Variants in THADA observed in about 807,000 individuals in gnomAD.
THADA encodes the protein tRNA (32-2'-O)-methyltransferase regulator THADA.
Under a neutral mutation model 219.8 loss-of-function variants are expected in THADA, and 213 were observed. That is an observed-to-expected ratio of 0.97 (90% CI 0.87 to 1.09). THADA has a LOEUF of 1.09. THADA is among the 50% of genes least tolerant of loss of function. The pLI is 0.00. For missense variants in THADA, 2,956 were observed against 2,311.3 expected (o/e 1.28, Z -5.72); for synonymous variants, 1,018 against 828.9 (o/e 1.23, Z -3.92).
chr2:43,485,780 A>G (rs1453504594), intron 25 of THADA, among the ~76,000 whole-genome samples: 1 of 152,076 alleles, frequency 6.6e-6, no homozygotes, highest in Non-Finnish European at 1.5e-5. Context: ...CTGTAATCCC[A>G]GCTACTTGGG....
At chr2:43,296,901 A>G (rs1270349388) in intron 31 of THADA, among the ~76,000 whole-genome samples, 3 of 150,368 alleles carry the variant, frequency 2.0e-5, no homozygotes, top group East Asian at 4.0e-4. Context: ...GAGGGCAAGG[A>G]GCAGCCGCCT....
chr2:43,291,454 C>CAAAAAAAAAA (rs765352765), intron 34 of THADA, among the ~76,000 whole-genome samples: 180 of 8,068 alleles, frequency 0.022, 25 homozygotes, highest in Non-Finnish European at 0.033. Flanking sequence ...AACTCCATCT[C>CAAAAAAAAAA]AAAAAAAAAA....
intron 15 of THADA, chr2:43,564,704 T>A (rs1288473914): frequency 6.6e-6 from 1 of 152,196 alleles, no homozygotes; most frequent in Non-Finnish European, 1.5e-5. Flanking sequence ...ATATTTCCTA[T>A]TATAAAAACT....
intron 21 of THADA, among the ~76,000 whole-genome samples, chr2:43,534,975 G>T (rs1431863278): frequency 1.3e-5 from 2 of 151,982 alleles, no homozygotes; most frequent in African/African-American, 4.8e-5. Flanking sequence ...GGGTGTAAGA[G>T]TTCCCTTTTC....
rs1676602466 is a variant in THADA at position 43,304,368 on chromosome 2, T to A, written c.4439-11155A>T. ...AAGGCAGAAGGATCCTCCTCAGGAC[T>A]GAAAAGACCAACCCAACAACAACAA... On this transcript the variant is annotated intron_variant, in intron 31 of 37. Coordinates refer to ENST00000405975, the MANE Select transcript of THADA (RefSeq NM_022065.5). Among the ~76,000 whole-genome samples, 3 of 152,156 alleles carry A rather than the reference T, an allele frequency of 2.0e-5. No homozygotes were observed. The South Asian group carries it at 6.2e-4, about 32-fold the overall frequency.
chr2:43,271,862 G>A (rs1467871539), intron 36 of THADA, among the ~76,000 whole-genome samples: 2 of 152,138 alleles, frequency 1.3e-5, no homozygotes, highest in African/African-American at 4.8e-5. Flanking sequence ...TGATCCACTT[G>A]CCTCGGCCTC....
intron 28 of THADA, among the ~76,000 whole-genome samples, chr2:43,425,090 C>G (rs1029025028): frequency 5.3e-5 from 8 of 152,142 alleles, no homozygotes; most frequent in Non-Finnish European, 1.0e-4. Flanking sequence ...AACCAAAAAA[C>G]AAGGTTATTT....
At chr2:43,310,823 G>A (rs534874006) in intron 31 of THADA, among the ~76,000 whole-genome samples, 2 of 152,330 alleles carry the variant, frequency 1.3e-5, no homozygotes, top group African/African-American at 4.8e-5. Context: ...CAAACTGTGT[G>A]TCTTATAAGG....
At chr2:43,418,587 G>A (rs1276677127) in intron 28 of THADA, among the ~76,000 whole-genome samples, 1 of 152,184 alleles carries the variant, frequency 6.6e-6, no homozygotes, top group East Asian at 1.9e-4. Flanking sequence ...TTGGATGTGT[G>A]TGAGACATGC....
At chr2:43,507,969 G>T (rs1258359305) in intron 23 of THADA, among the ~76,000 whole-genome samples, 10 of 152,122 alleles carry the variant, frequency 6.6e-5, no homozygotes, top group Non-Finnish European at 1.5e-5. Flanking sequence ...GTGTTCAAAA[G>T]GAAAACGGAC....
intron 25 of THADA, among the ~76,000 whole-genome samples, chr2:43,488,065 C>T (rs1329150017): frequency 1.3e-5 from 2 of 152,062 alleles, no homozygotes; most frequent in African/African-American, 4.8e-5. Context: ...CCCTGTTCAT[C>T]AGTTAGTAAA....
intron 30 of THADA, among the ~76,000 whole-genome samples, chr2:43,339,626 T>G (rs1180710107): frequency 3.3e-5 from 5 of 152,182 alleles, no homozygotes; most frequent in African/African-American, 4.8e-5. Flanking sequence ...GAAACACACA[T>G]GCAATATATA....
At chr2:43,549,430 G>A in intron 19 of THADA, 62 bp from the exon 20 acceptor site, 1 of 1,491,456 alleles carries the variant, frequency 6.7e-7, no homozygotes, top group East Asian at 2.5e-5. Flanking sequence ...GATTTCCCTT[G>A]GGGATGCTTA....
chr2:43,407,671 T>G (rs1048896434), intron 28 of THADA, among the ~76,000 whole-genome samples: 1 of 152,180 alleles, frequency 6.6e-6, no homozygotes, highest in Non-Finnish European at 1.5e-5. Context: ...TAAAAGATTC[T>G]GATATCCACG....
At chr2:43,557,862 G>A (rs1200954878) in intron 16 of THADA, among the ~76,000 whole-genome samples, 1 of 152,216 alleles carries the variant, frequency 6.6e-6, no homozygotes, top group Non-Finnish European at 1.5e-5. Flanking sequence ...TTTCACAACA[G>A]TGGATATCAA....
chr2:43,550,959 A>T (rs1395776904), intron 19 of THADA, among the ~76,000 whole-genome samples: 1 of 152,252 alleles, frequency 6.6e-6, no homozygotes, highest in Non-Finnish European at 1.5e-5. Context: ...TACCAAAAAA[A>T]AATTAATTAA....
chr2:43,432,402 T>C (rs1450209801), intron 26 of THADA, among the ~76,000 whole-genome samples: 2 of 152,182 alleles, frequency 1.3e-5, no homozygotes, highest in African/African-American at 2.4e-5. Flanking sequence ...AGTATTCCAT[T>C]ATATGAATCT....
chr2:43,346,531 C>T (rs6738717), intron 29 of THADA, among the ~76,000 whole-genome samples: 38,519 of 152,072 alleles, frequency 0.25, 5,837 homozygotes, highest in African/African-American at 0.42. Flanking sequence ...GCTAAGAAAG[C>T]AGTCAGACCC....
chr2:43,573,051 G>C (rs1014523913), intron 11 of THADA, 59 bp from the exon 12 acceptor site: 60 of 1,302,012 alleles, frequency 4.6e-5, no homozygotes, highest in Non-Finnish European at 3.1e-6. Flanking sequence ...ATAATTATCA[G>C]CTGCTAATTT....
Sources: gnomAD v4.1 joint callset for allele counts (sites outside exome capture counted in the v4.1 genomes callset) on GRCh38, gnomAD v4.1.1 for gene constraint, MANE v1.5 for transcripts, NCBI Gene and HGNC (gene_info 2026-07-23, HGNC 2026-07-21) for gene names.